The following SYN3 variants were observed in gnomAD, a reference collection of about 807,000 sequenced individuals.
SYN3 encodes synapsin III.
A neutral mutation model predicts 65.8 loss-of-function variants in SYN3; 35 were observed. The observed-to-expected ratio is 0.53, with a 90% confidence interval of 0.41 to 0.70. The LOEUF is 0.70. SYN3 is among the 30% of genes least tolerant of loss of function. The probability of loss-of-function intolerance (pLI) is 0.00; values close to 1 mark genes in which losing one functional copy is unlikely to be tolerated. For missense variants in SYN3, 680 were observed against 749.0 expected, an observed-to-expected ratio of 0.91 and a Z score of 1.08; for synonymous variants, 270 against 292.9, an observed-to-expected ratio of 0.92 and a Z score of 0.80.
chr22:32,762,501 T>A (rs1427581917), intron 6 of SYN3, among the ~76,000 whole-genome samples: 1 of 152,150 alleles, frequency 6.6e-6, no homozygotes, highest in East Asian at 1.9e-4. Flanking sequence ...AGATAAAAGG[T>A]TGTGGTGGAA....
chr22:32,686,370 G>T (rs1485596180), intron 6 of SYN3, among the ~76,000 whole-genome samples: 1 of 151,032 alleles, frequency 6.6e-6, no homozygotes, highest in Non-Finnish European at 1.5e-5. Flanking sequence ...TAGACTGAGT[G>T]TTGTACATCT....
chr22:32,979,128 C>T (rs2052297245), intron 3 of SYN3, among the ~76,000 whole-genome samples: 1 of 146,962 alleles, frequency 6.8e-6, no homozygotes, highest in Admixed American at 7.0e-5. Context: ...ACTCGGGAGA[C>T]AGAGGTTGCA....
chr22:32,815,594 T>C lies in SYN3; in HGVS notation c.711+49321A>G, dbSNP rs80292111. Among the ~76,000 whole-genome samples the C allele has an allele frequency of 9.8e-3, 1,494 of 152,324 alleles. 26 individuals are homozygous for C. The highest frequency in any genetic ancestry group is 0.034 in the African/African-American group (1,397 of 41,566). The stretch of plus-strand genomic sequence containing the variant: ...GAATTAAATATGAAAGCAGCTACTA[T>C]TTGTTGACAGCTATTTTAAGATCTT... On this transcript the variant is annotated intron_variant, in intron 6 of 13. Coordinates refer to ENST00000358763, the MANE Select transcript of SYN3 (RefSeq NM_003490.4).
intron 7 of SYN3, among the ~76,000 whole-genome samples, chr22:32,569,565 C>CTGTATATATATA (rs1190028295): frequency 3.5e-5 from 2 of 56,384 alleles, no homozygotes; most frequent in African/African-American, 1.1e-4. Context: ...CTCTCTCTCT[C>CTGTATATATATA]TCTCTCTATA....
chr22:32,920,619 T>C (rs868031444), intron 4 of SYN3, among the ~76,000 whole-genome samples: 1 of 152,198 alleles, frequency 6.6e-6, no homozygotes. Context: ...ACTCCTAGAA[T>C]CTGACCTTGT....
At chr22:32,945,861 G>C (rs1055983512) in intron 3 of SYN3, among the ~76,000 whole-genome samples, 10 of 151,912 alleles carry the variant, frequency 6.6e-5, no homozygotes, top group Non-Finnish European at 1.2e-4. Context: ...ACCAAACAAG[G>C]CGATCAAAAA....
intron 6 of SYN3, among the ~76,000 whole-genome samples, chr22:32,864,182 G>A (rs1345939866): frequency 6.6e-6 from 1 of 152,148 alleles, no homozygotes; most frequent in Admixed American, 6.6e-5. Flanking sequence ...TCCCAAAGAC[G>A]CATTCCCTGC....
At position 32,955,443 on chromosome 22, in the gene SYN3, C is replaced by T. The variant is rs147776315; in HGVS notation, c.370-23962G>A. 1.5e-3 allele frequency among the ~76,000 whole-genome samples: 235 copies of T among 152,176 alleles called. 1 individual carries two copies. The highest frequency in any genetic ancestry group is 5.1e-3 in the African/African-American group (213 of 41,506). ...GAATACAGTGAGGGCATGAGCCATG[C>T]GGACACCTGGGGGATGAGGGGCCCA... On this transcript the variant is annotated intron_variant, in intron 3 of 13. Coordinates refer to ENST00000358763, the MANE Select transcript of SYN3 (RefSeq NM_003490.4).
At chr22:32,725,393 G>C (rs1185104832) in intron 6 of SYN3, among the ~76,000 whole-genome samples, 1 of 152,088 alleles carries the variant, frequency 6.6e-6, no homozygotes, top group Non-Finnish European at 1.5e-5. Flanking sequence ...TTTGCTTTCA[G>C]TCTTTAGAAC....
intron 4 of SYN3, among the ~76,000 whole-genome samples, chr22:32,888,981 CG>C (rs2049368630): frequency 6.6e-6 from 1 of 152,210 alleles, no homozygotes; most frequent in Non-Finnish European, 1.5e-5. Flanking sequence ...GCCCTCTAAT[CG>C]GTCTCATCAC....
At chr22:32,724,243 CTGTTTTGTTT>C (rs10533121) in intron 6 of SYN3, among the ~76,000 whole-genome samples, 26 of 151,432 alleles carry the variant, frequency 1.7e-4, no homozygotes, top group Middle Eastern at 3.4e-3. Flanking sequence ...GGGTACTTTT[CTGTTTTGTTT>C]TGTTTTGTTT....
intron 6 of SYN3, among the ~76,000 whole-genome samples, chr22:32,694,880 T>C (rs569538178): frequency 3.3e-5 from 5 of 152,370 alleles, no homozygotes; most frequent in Middle Eastern, 6.8e-3. Flanking sequence ...AGCTACTTTA[T>C]ACATGAAAGT....
At chr22:32,682,589 A>G (rs2060538481) in intron 6 of SYN3, among the ~76,000 whole-genome samples, 1 of 152,088 alleles carries the variant, frequency 6.6e-6, no homozygotes, top group Admixed American at 6.5e-5. Flanking sequence ...TTTCATATAC[A>G]TTATCTCTTT....
At chr22:32,661,425 G>A (rs1264791692) in intron 6 of SYN3, among the ~76,000 whole-genome samples, 7 of 152,282 alleles carry the variant, frequency 4.6e-5, no homozygotes, top group African/African-American at 1.7e-4. Context: ...CTGGCGGCCC[G>A]CCGTGACTCA....
intron 6 of SYN3, among the ~76,000 whole-genome samples, chr22:32,676,888 G>A (rs755180059): frequency 2.0e-5 from 3 of 151,972 alleles, no homozygotes; most frequent in East Asian, 1.9e-4. Context: ...GGCCTTGTGC[G>A]GCCAGCTCTA....
intron 3 of SYN3, among the ~76,000 whole-genome samples, chr22:32,946,402 T>C (rs889591621): frequency 1.1e-4 from 16 of 152,164 alleles, no homozygotes; most frequent in Non-Finnish European, 1.9e-4. Flanking sequence ...GGGACATCGA[T>C]GAAGCTGGAA....
In SYN3 at chr22:32,510,026, G is replaced by T. The variant is rs75985105; in HGVS notation, c.*3666C>A. Among the ~76,000 whole-genome samples, 1,750 of 152,300 alleles carry T rather than the reference G, an allele frequency of 0.011. 21 individuals are homozygous for T. The highest frequency in any genetic ancestry group is 0.04 in the African/African-American group (1,666 of 41,556). ...TACACAGATACTGGAGTATCTGGGA[G>T]ATATCCTTTGGATGCTGAGGTGTGT... On this transcript the variant is annotated 3_prime_UTR_variant, in exon 14 of 14. Coordinates refer to ENST00000358763, the MANE Select transcript of SYN3 (RefSeq NM_003490.4).
At chr22:32,771,957 T>C (rs1423658244) in intron 6 of SYN3, among the ~76,000 whole-genome samples, 4 of 152,034 alleles carry the variant, frequency 2.6e-5, no homozygotes, top group Non-Finnish European at 5.9e-5. Flanking sequence ...TGTTTGAGGG[T>C]TGGGGAGCAC....
At chr22:32,819,483 A>T (rs2047177226) in intron 6 of SYN3, among the ~76,000 whole-genome samples, 1 of 152,200 alleles carries the variant, frequency 6.6e-6, no homozygotes, top group Admixed American at 6.5e-5. Context: ...ATGTCCATTG[A>T]CTATAAAGGT....
Sources: allele counts gnomAD v4.1 joint callset (sites outside exome capture counted in the v4.1 genomes callset), GRCh38; gene constraint gnomAD v4.1.1; transcripts MANE v1.5; gene names NCBI Gene and HGNC (gene_info 2026-07-23, HGNC 2026-07-21).